The following MGAT4C variants were observed in gnomAD, a reference collection of about 807,000 sequenced individuals.
MGAT4C encodes alpha-1,3-mannosyl-glycoprotein 4-beta-N-acetylglucosaminyltransferase C.
Under a neutral mutation model 40.1 loss-of-function variants are expected in MGAT4C, and 19 were observed. The ratio of observed to expected loss-of-function variants is 0.47; its 90% CI spans 0.33 to 0.70. MGAT4C has a LOEUF of 0.70. Among genes scored for constraint, MGAT4C ranks in the 30% least tolerant of loss-of-function variants. The probability of loss-of-function intolerance (pLI) is 0.02; values close to 1 mark genes in which losing one functional copy is unlikely to be tolerated. For synonymous variants in MGAT4C, 181 were observed against 187.1 expected (o/e 0.97, Z 0.27); for missense variants, 491 against 563.2 (o/e 0.87, Z 1.30).
intron 4 of MGAT4C, among the ~76,000 whole-genome samples, chr12:86,296,988 TA>T (rs1953698061): frequency 6.6e-6 from 1 of 152,134 alleles, no homozygotes; most frequent in Non-Finnish European, 1.5e-5. Context: ...TATTTTCTTG[TA>T]AAAAAGGCAG....
intron 2 of MGAT4C, among the ~76,000 whole-genome samples, chr12:86,701,209 CA>C (rs1469675014): frequency 1.3e-5 from 2 of 151,946 alleles, no homozygotes. Flanking sequence ...AATTTTATCA[CA>C]CTTCACTTCA....
At chr12:86,357,973 A>T (rs1242866571) in intron 3 of MGAT4C, among the ~76,000 whole-genome samples, 1 of 152,172 alleles carries the variant, frequency 6.6e-6, no homozygotes, top group African/African-American at 2.4e-5. Context: ...CAGGAAATAC[A>T]GAGAACACCA....
intron 1 of MGAT4C, among the ~76,000 whole-genome samples, chr12:86,820,317 T>C (rs2136225868): frequency 6.6e-6 from 1 of 150,942 alleles, no homozygotes; most frequent in South Asian, 2.1e-4. Flanking sequence ...AGACCCCATT[T>C]ATAATGGTTT....
intron 2 of MGAT4C, among the ~76,000 whole-genome samples, chr12:86,684,771 T>C (rs1177718299): frequency 2.6e-5 from 4 of 152,210 alleles, no homozygotes; most frequent in African/African-American, 9.6e-5. Flanking sequence ...TTTTCATTTC[T>C]CTAATGACCG....
intron 2 of MGAT4C, among the ~76,000 whole-genome samples, chr12:86,557,280 C>G (rs1959655445): frequency 6.6e-6 from 1 of 152,154 alleles, no homozygotes; most frequent in Non-Finnish European, 1.5e-5. Context: ...CCATGAATTT[C>G]TGTTGACCAC....
At chr12:86,119,968 G>A (rs1879105569) in intron 1 of MGAT4C, among the ~76,000 whole-genome samples, 2 of 151,380 alleles carry the variant, frequency 1.3e-5, no homozygotes, top group South Asian at 2.1e-4. Context: ...TCCTTTATTT[G>A]GTGGCATATC....
At chr12:86,631,258 CACAA>C (rs1421320586) in intron 2 of MGAT4C, among the ~76,000 whole-genome samples, 1 of 151,994 alleles carries the variant, frequency 6.6e-6, no homozygotes, top group Non-Finnish European at 1.5e-5. Context: ...TAAAGGAGGA[CACAA>C]ACAAATGGAA....
intron 2 of MGAT4C, among the ~76,000 whole-genome samples, chr12:86,029,446 C>T (rs1440540151): frequency 6.6e-6 from 1 of 151,878 alleles, no homozygotes; most frequent in Non-Finnish European, 1.5e-5. Context: ...AGAGATCTAA[C>T]ATGCTAAAAA....
At chr12:86,094,316 G>A (rs754087582) in intron 1 of MGAT4C, among the ~76,000 whole-genome samples, 2 of 152,076 alleles carry the variant, frequency 1.3e-5, no homozygotes, top group Non-Finnish European at 2.9e-5. Flanking sequence ...TGACAGAAAA[G>A]ATCAGTAAAT....
chr12:86,531,604 C>T (rs1046848440), intron 2 of MGAT4C, among the ~76,000 whole-genome samples: 1 of 151,982 alleles, frequency 6.6e-6, no homozygotes, highest in East Asian at 1.9e-4. Flanking sequence ...ATTGAAGCCA[C>T]TTTTTTTCAG....
intron 2 of MGAT4C, among the ~76,000 whole-genome samples, chr12:86,041,049 T>G (rs1371037218): frequency 1.3e-5 from 2 of 152,112 alleles, no homozygotes; most frequent in Non-Finnish European, 2.9e-5. Flanking sequence ...ATCGGGTACC[T>G]TAGTTGGAAA....
At chr12:86,761,069 T>C (rs1165656605) in intron 1 of MGAT4C, among the ~76,000 whole-genome samples, 1 of 152,218 alleles carries the variant, frequency 6.6e-6, no homozygotes, top group African/African-American at 2.4e-5. Flanking sequence ...TTGAAATATG[T>C]ATATTTTATA....
chr12:86,711,683 A>T (rs929740869), intron 2 of MGAT4C, among the ~76,000 whole-genome samples: 1 of 152,152 alleles, frequency 6.6e-6, no homozygotes, highest in African/African-American at 2.4e-5. Flanking sequence ...TCATCTCACA[A>T]ATTTAGTTAT....
At chr12:86,299,827 T>C (rs965638476) in intron 4 of MGAT4C, among the ~76,000 whole-genome samples, 3 of 152,234 alleles carry the variant, frequency 2.0e-5, no homozygotes, top group Non-Finnish European at 2.9e-5. Flanking sequence ...TAAAATTGTT[T>C]AAATATTTAG....
At chr12:86,034,670 G>C (rs1030969647) in intron 2 of MGAT4C, among the ~76,000 whole-genome samples, 3 of 148,684 alleles carry the variant, frequency 2.0e-5, no homozygotes, top group African/African-American at 4.9e-5. Context: ...ATAGGGGTTT[G>C]CTGAACCCAT....
At chr12:86,378,000 C>A (rs770322156) in intron 3 of MGAT4C, among the ~76,000 whole-genome samples, 2 of 152,094 alleles carry the variant, frequency 1.3e-5, no homozygotes, top group East Asian at 3.9e-4. Flanking sequence ...ATTGCATAAT[C>A]TCATCAATAT....
intron 4 of MGAT4C, among the ~76,000 whole-genome samples, chr12:86,332,652 T>TTTG (rs1555268048): frequency 6.6e-6 from 1 of 151,778 alleles, no homozygotes; most frequent in African/African-American, 2.4e-5. Flanking sequence ...AGGTTTTTTT[T>TTTG]TGTGTGTGTG....
chr12:86,387,445 T>C (rs1956074844), intron 3 of MGAT4C, among the ~76,000 whole-genome samples: 2 of 152,140 alleles, frequency 1.3e-5, no homozygotes, highest in African/African-American at 4.8e-5. Flanking sequence ...AACAGAATTT[T>C]TACAAAGCAT....
intron 2 of MGAT4C, among the ~76,000 whole-genome samples, chr12:86,607,298 C>A (rs1962075991): frequency 6.6e-6 from 1 of 151,536 alleles, no homozygotes; most frequent in East Asian, 1.9e-4. Context: ...AATATTTGAC[C>A]CATGAGTTAG....
Sources: gnomAD v4.1 joint callset for allele counts (sites outside exome capture counted in the v4.1 genomes callset) on GRCh38, gnomAD v4.1.1 for gene constraint, MANE v1.5 for transcripts, NCBI Gene and HGNC (gene_info 2026-07-23, HGNC 2026-07-21) for gene names.